NVL: variants seen among roughly 807,000 people sequenced by gnomAD.
The protein encoded by NVL is nuclear VCP like, also known as nuclear valosin-containing protein-like.
Under a neutral mutation model 110.2 loss-of-function variants are expected in NVL, and 84 were observed. That is an observed-to-expected ratio of 0.76 (90% CI 0.64 to 0.91). NVL has a LOEUF of 0.91. NVL is among the 40% of genes least tolerant of loss of function. The pLI, the probability that NVL is intolerant of heterozygous loss-of-function variation, is 0.00. For synonymous variants in NVL, 354 were observed against 361.1 expected (o/e 0.98, Z 0.22); for missense variants, 882 against 1,035.9 (o/e 0.85, Z 2.04).
intron 19 of NVL, among the ~76,000 whole-genome samples, chr1:224,245,102 A>C (rs973142024): frequency 6.6e-6 from 1 of 152,232 alleles, no homozygotes; most frequent in African/African-American, 2.4e-5. Context: ...TAATCTCCTT[A>C]TAATATTTCA....
chr1:224,232,947 T>G (rs1341380778), intron 21 of NVL: 2 of 345,004 alleles, frequency 5.8e-6, no homozygotes, highest in Non-Finnish European at 5.2e-6. Context: ...AGACTCATGA[T>G]GAAGACAGCG....
intron 12 of NVL, 130 bp downstream of exon 12, chr1:224,294,137 A>G (rs1667640933): frequency 2.0e-6 from 2 of 1,024,206 alleles, no homozygotes; most frequent in Admixed American, 4.6e-5. Context: ...TCCTTTTCCA[A>G]ATCAATTTAA....
intron 2 of NVL, among the ~76,000 whole-genome samples, chr1:224,320,428 T>A (rs1670525863): frequency 6.6e-6 from 1 of 152,114 alleles, no homozygotes. Context: ...GGGCGGATCA[T>A]TTGCGGTCAG....
At chr1:224,320,621 TG>T (rs1287232165) in intron 2 of NVL, among the ~76,000 whole-genome samples, 1 of 151,220 alleles carries the variant, frequency 6.6e-6, no homozygotes. Context: ...CACTCCAGCC[TG>T]GGTGACTGAG....
chr1:224,321,772 A>C (rs1026604254), intron 2 of NVL, among the ~76,000 whole-genome samples: 3 of 136,344 alleles, frequency 2.2e-5, no homozygotes, highest in Non-Finnish European at 4.8e-5. Flanking sequence ...AAAAAAAAAA[A>C]CTGAAACAGT....
intron 19 of NVL, among the ~76,000 whole-genome samples, chr1:224,244,453 T>C (rs1185602868): frequency 6.6e-6 from 1 of 152,050 alleles, no homozygotes; most frequent in Non-Finnish European, 1.5e-5. Flanking sequence ...AAATAAAAAA[T>C]ATAAAAAAGT....
chr1:224,242,545 G>C (rs901136625), intron 19 of NVL, among the ~76,000 whole-genome samples: 1 of 142,998 alleles, frequency 7.0e-6, no homozygotes, highest in South Asian at 2.2e-4. Context: ...GTGCAGTGGC[G>C]TGATCTCACT....
chr1:224,230,440 T>C lies in NVL; in HGVS notation c.2526+786A>G, dbSNP rs146244624. ...CAATATGGTGAAACCCTGTCTCTAC[T>C]AAAAATACAAAAAATTAGCCAGGCA... On this transcript the variant is annotated intron_variant, in intron 22 of 22. Coordinates refer to ENST00000281701, the MANE Select transcript of NVL (RefSeq NM_002533.4). Among the ~76,000 whole-genome samples the C allele has an allele frequency of 7.6e-3, 1,155 of 152,046 alleles. 8 individuals carry two copies. Among genetic ancestry groups the C allele is most frequent in the Non-Finnish European group, 0.012 (804 of 67,992 alleles).
At chr1:224,316,004 G>A (rs1303549935) in intron 4 of NVL, among the ~76,000 whole-genome samples, 1 of 152,088 alleles carries the variant, frequency 6.6e-6, no homozygotes, top group Admixed American at 6.6e-5. Flanking sequence ...AGACCAGCCT[G>A]ACAACATAGT....
intron 8 of NVL, 45 bp from the exon 9 acceptor site, chr1:224,303,902 C>A (rs368145947): frequency 5.5e-5 from 86 of 1,553,260 alleles, no homozygotes; most frequent in Non-Finnish European, 7.3e-5. Context: ...ACAGAACAAT[C>A]AAAGTAGAAT....
chr1:224,266,605 A>G (rs1333925485), intron 18 of NVL, among the ~76,000 whole-genome samples: 1 of 152,204 alleles, frequency 6.6e-6, no homozygotes, highest in Non-Finnish European at 1.5e-5. Context: ...ACCCAGTTTC[A>G]GGTATTCTGT....
At chr1:224,249,970 C>T (rs1455485979) in intron 19 of NVL, among the ~76,000 whole-genome samples, 1 of 152,144 alleles carries the variant, frequency 6.6e-6, no homozygotes, top group Non-Finnish European at 1.5e-5. Context: ...CCTGGGTTCA[C>T]CTCGCCCTCC....
intron 17 of NVL, among the ~76,000 whole-genome samples, chr1:224,273,037 A>C (rs1480421690): frequency 1.1e-5 from 1 of 87,788 alleles, no homozygotes; most frequent in African/African-American, 3.7e-5. Flanking sequence ...CCGTCTCAAA[A>C]AAAAACAAAA....
chr1:224,233,770 A>G (rs1021776924), intron 20 of NVL, among the ~76,000 whole-genome samples: 4 of 152,156 alleles, frequency 2.6e-5, no homozygotes, highest in Non-Finnish European at 4.4e-5. Context: ...ATTAAAAAAC[A>G]AAAACAAAAA....
At chr1:224,289,804 T>G (rs1667207155) in intron 12 of NVL, 71 bp from the exon 13 acceptor site, 5 of 1,456,824 alleles carry the variant, frequency 3.4e-6, no homozygotes, top group East Asian at 2.4e-5. Context: ...CAACTATATT[T>G]ATTTGAAGTC....
chr1:224,282,070 AT>A lies in NVL; in HGVS notation c.1900-886del, dbSNP rs571698440. Among the ~76,000 whole-genome samples the A allele has an allele frequency of 6.4e-3, 904 of 142,150 alleles. 5 individuals are homozygous for A. The highest frequency in any genetic ancestry group is 0.019 in the African/African-American group (723 of 38,602). The allele number at this position is 142,150 out of a possible 152,430, so 93.3% of individuals were successfully genotyped here. A position where few individuals can be genotyped will look rare whatever the true frequency, so the allele number is the denominator to read the frequency against. ...ACTTTTTTTTTTAAATTTCACTTTA[AT>A]TTTTTTTTTTTTTTGAGACAGAATC... On this transcript the variant is annotated intron_variant, in intron 15 of 22. Transcript: ENST00000281701.
chr1:224,313,902 C>CTGAG (rs1317171622), intron 4 of NVL, among the ~76,000 whole-genome samples: 1 of 152,112 alleles, frequency 6.6e-6, no homozygotes, highest in African/African-American at 2.4e-5. Flanking sequence ...ACTCGGGAGG[C>CTGAG]TGAGGCAGGA....
chr1:224,254,974 C>G (rs1430390303), intron 18 of NVL, among the ~76,000 whole-genome samples: 1 of 147,022 alleles, frequency 6.8e-6, no homozygotes, highest in African/African-American at 2.5e-5. Context: ...CAGGTTCAAG[C>G]GATTCTCCTG....
At position 224,303,799 on chromosome 1, in the gene NVL, A is replaced by C; in HGVS notation, c.884T>G (p.Val295Gly). ...AAGGAGAACTCCACGAGGGGGCACG[A>C]CGCCCAGGTGGTGGTACACCTCCGG... ...RHPEVYHHLG[V>G]VPPRGVLLHG... The change falls in exon 9 of 23, where the codon GTC becomes GGC. Residue 295 changes from valine to glycine, a missense_variant. Around this residue, in one of 4 missense-constraint regions of NVL, gnomAD observed 416 missense variants for 499.3 expected, o/e 0.83. Coordinates refer to ENST00000281701, the MANE Select transcript of NVL (RefSeq NM_002533.4). 1 of 1,613,712 alleles carries C rather than the reference A, an allele frequency of 6.2e-7. No individual in the cohort carries two copies. Among genetic ancestry groups the C allele is most frequent in the Non-Finnish European group, 8.5e-7 (1 of 1,179,834 alleles).
Sources: gnomAD v4.1 joint callset for allele counts (sites outside exome capture counted in the v4.1 genomes callset) on GRCh38, gnomAD v4.1.1 for gene constraint, gnomAD v4.1.1 regional missense constraint, MANE v1.5 for transcripts, NCBI Gene and HGNC (gene_info 2026-07-23, HGNC 2026-07-21) for gene names.